Variants in ANKRD44 observed in about 807,000 individuals in gnomAD.
The protein encoded by ANKRD44 is ankyrin repeat domain 44, also known as serine/threonine-protein phosphatase 6 regulatory ankyrin repeat subunit B.
A neutral mutation model predicts 116.0 loss-of-function variants in ANKRD44; 35 were observed. The observed-to-expected ratio is 0.30, with a 90% CI of 0.23 to 0.40. The LOEUF (loss-of-function observed/expected upper bound fraction) is 0.40, where lower values mean the gene tolerates loss of function less well. Among genes scored for constraint, ANKRD44 ranks in the 10% least tolerant of loss-of-function variants. The pLI is 1.00. For missense variants in ANKRD44, 1,014 were observed against 1,242.6 expected (o/e 0.82, Z 2.77); for synonymous variants, 435 against 461.8 (o/e 0.94, Z 0.74).
At chr2:197,272,546 G>A (rs941206329) in intron 1 of ANKRD44, among the ~76,000 whole-genome samples, 8 of 152,152 alleles carry the variant, frequency 5.3e-5, no homozygotes, top group Admixed American at 2.0e-4. Flanking sequence ...AATTTCTATC[G>A]TTTATAAGCC....
chr2:197,157,675 CA>C (rs35588359), intron 2 of ANKRD44, among the ~76,000 whole-genome samples: 2,997 of 82,964 alleles, frequency 0.036, 11 homozygotes, highest in African/African-American at 0.057. Flanking sequence ...GAGACTCTGT[CA>C]AAAAAAAAAA....
chr2:196,982,112 A>ATATATATATATATATATATATATG (rs2075805936), downstream of ANKRD44, among the ~76,000 whole-genome samples: 1 of 119,352 alleles, frequency 8.4e-6, no homozygotes, highest in Non-Finnish European at 1.8e-5. Context: ...AAAAAATTAT[A>ATATATATATATATATATATATATG]TATATATATA....
intron 2 of ANKRD44, among the ~76,000 whole-genome samples, chr2:197,164,819 T>G (rs549923417): frequency 5.5e-4 from 81 of 147,494 alleles, no homozygotes; most frequent in East Asian, 1.2e-3. Context: ...GTTTTGAGGG[T>G]TTTTTTTTTC....
intron 4 of ANKRD44, among the ~76,000 whole-genome samples, chr2:197,129,358 A>C (rs1389167432): frequency 2.7e-5 from 4 of 149,368 alleles, no homozygotes; most frequent in Non-Finnish European, 4.5e-5. Flanking sequence ...CTGATCTTGA[A>C]CTCCTGACCT....
chr2:197,130,749 T>C (rs2079076497), intron 4 of ANKRD44, among the ~76,000 whole-genome samples: 1 of 152,218 alleles, frequency 6.6e-6, no homozygotes, highest in African/African-American at 2.4e-5. Context: ...TGTTTCCAAT[T>C]CTCCTGTCTA....
At chr2:197,195,611 T>C (rs764701292) in intron 1 of ANKRD44, among the ~76,000 whole-genome samples, 13 of 152,216 alleles carry the variant, frequency 8.5e-5, no homozygotes, top group Non-Finnish European at 1.5e-4. Flanking sequence ...TCTTTATATA[T>C]AGCCCAAATC....
chr2:197,233,146 A>G (rs1057386343), intron 1 of ANKRD44, among the ~76,000 whole-genome samples: 1 of 152,186 alleles, frequency 6.6e-6, no homozygotes, highest in Admixed American at 6.5e-5. Flanking sequence ...GCTCCATCCA[A>G]TTCTGACCCT....
rs527386326 is a variant in ANKRD44 at position 197,063,031 on chromosome 2, C to T, written c.1650+15672G>A. 4.0e-5 allele frequency among the ~76,000 whole-genome samples: 6 copies of T among 151,282 alleles called. No individual in the cohort carries two copies. In the East Asian group the frequency reaches 9.6e-4, roughly 24 times the overall value. ...GGACAGACTGCCTCCTCAAGTGGGT[C>T]CCTGACCCCCGAGTAGCCTAACTGG... On this transcript the variant is annotated intron_variant, in intron 16 of 27. Transcript: ENST00000282272.
rs533222153 is a variant in ANKRD44 at position 197,018,998 on chromosome 2, C to T, written c.1723-5286G>A. ...GAATCTGTCACTACTAAATCTCACG[C>T]TTTTAGGTGCCATCTTACAATTTTC... On this transcript the variant is annotated intron_variant, in intron 17 of 27. Coordinates refer to ENST00000282272, the MANE Select transcript of ANKRD44 (RefSeq NM_001195144.2). 4.9e-3 allele frequency among the ~76,000 whole-genome samples: 742 copies of T among 152,274 alleles called. 3 individuals are homozygous for T. The highest frequency in any genetic ancestry group is 7.9e-3 in the Non-Finnish European group (536 of 68,012).
chr2:197,118,637 G>GAAAGAAAGAAAGAAAGGAAGAAAGAA (rs1553512574), intron 8 of ANKRD44, among the ~76,000 whole-genome samples: 1 of 112,358 alleles, frequency 8.9e-6, no homozygotes, highest in African/African-American at 3.3e-5. Flanking sequence ...GAGAGAGAGA[G>GAAAGAAAGAAAGAAAGGAAGAAAGAA]AGAAAGAAAG....
At chr2:197,244,502 A>C (rs1306693426) in intron 1 of ANKRD44, among the ~76,000 whole-genome samples, 1 of 152,216 alleles carries the variant, frequency 6.6e-6, no homozygotes, top group African/African-American at 2.4e-5. Flanking sequence ...TTATTTGCTA[A>C]TATCATGTCT....
intron 3 of ANKRD44, among the ~76,000 whole-genome samples, chr2:197,143,072 G>A (rs1374153273): frequency 6.7e-6 from 1 of 149,392 alleles, no homozygotes; most frequent in Admixed American, 6.6e-5. Context: ...TCCCGCATTA[G>A]AGAGTACTTC....
chr2:197,087,155 G>A (rs574408013), intron 12 of ANKRD44, among the ~76,000 whole-genome samples: 1 of 152,208 alleles, frequency 6.6e-6, no homozygotes, highest in Admixed American at 6.5e-5. Flanking sequence ...AGAGTGGATG[G>A]GCGTTACCTT....
intron 2 of ANKRD44, among the ~76,000 whole-genome samples, chr2:197,177,634 A>G (rs998385451): frequency 3.9e-5 from 6 of 152,104 alleles, no homozygotes; most frequent in Non-Finnish European, 7.4e-5. Flanking sequence ...ATTTTTTACC[A>G]TTTCTAAATA....
chr2:197,287,636 G>GC (rs982203647), intron 1 of ANKRD44, among the ~76,000 whole-genome samples: 1 of 152,136 alleles, frequency 6.6e-6, no homozygotes, highest in East Asian at 1.9e-4. Flanking sequence ...CTTTTACCCT[G>GC]TTTTTTGTAA....
At chr2:197,123,492 A>C (rs932902454) in intron 6 of ANKRD44, among the ~76,000 whole-genome samples, 4 of 152,206 alleles carry the variant, frequency 2.6e-5, no homozygotes, top group African/African-American at 4.8e-5. Context: ...TTAGTTGGGC[A>C]TGGTGGCACA....
intron 1 of ANKRD44, among the ~76,000 whole-genome samples, chr2:197,290,507 G>A (rs529618282): frequency 2.0e-5 from 3 of 152,128 alleles, no homozygotes; most frequent in South Asian, 2.1e-4. Context: ...CAGGAGATTC[G>A]AAGTCAGAAC....
At chr2:197,205,265 A>G (rs545634168) in intron 1 of ANKRD44, among the ~76,000 whole-genome samples, 1 of 152,332 alleles carries the variant, frequency 6.6e-6, no homozygotes, top group African/African-American at 2.4e-5. Flanking sequence ...ATTTAGAACC[A>G]CTTAATCTTT....
At chr2:197,040,181 T>C (rs1046246054) in intron 16 of ANKRD44, among the ~76,000 whole-genome samples, 3 of 150,724 alleles carry the variant, frequency 2.0e-5, no homozygotes, top group South Asian at 2.1e-4. Flanking sequence ...AGAGGTTGCA[T>C]TGAGCTGAGA....
Sources: allele counts gnomAD v4.1 joint callset (sites outside exome capture counted in the v4.1 genomes callset), GRCh38; gene constraint gnomAD v4.1.1; transcripts MANE v1.5; gene names NCBI Gene and HGNC (gene_info 2026-07-23, HGNC 2026-07-21).